The following KLHL6 variants were observed in gnomAD, a reference collection of about 807,000 sequenced individuals.
KLHL6 encodes the protein kelch like family member 6.
Under a neutral mutation model 58.6 loss-of-function variants are expected in KLHL6, and 41 were observed. That is an observed-to-expected ratio of 0.70 (90% CI 0.55 to 0.91). The LOEUF (loss-of-function observed/expected upper bound fraction) is 0.91. KLHL6 is among the 40% of genes least tolerant of loss of function. The pLI is 0.00. For missense variants in KLHL6, 714 were observed against 805.6 expected, an observed-to-expected ratio of 0.89 and a Z score of 1.38; for synonymous variants, 338 against 322.7, an observed-to-expected ratio of 1.05 and a Z score of -0.51.
chr3:183,509,632 C>T (rs1456939328), intron 2 of KLHL6, among the ~76,000 whole-genome samples: 1 of 152,164 alleles, frequency 6.6e-6, no homozygotes, highest in African/African-American at 2.4e-5. Context: ...AGATGGAAAG[C>T]CCTTACCTGA....
At chr3:183,549,425 C>A (rs1480219457) in intron 1 of KLHL6, among the ~76,000 whole-genome samples, 2 of 152,186 alleles carry the variant, frequency 1.3e-5, no homozygotes, top group African/African-American at 4.8e-5. Context: ...TCTATAATCC[C>A]TTATCTGTAG....
intron 1 of KLHL6, among the ~76,000 whole-genome samples, chr3:183,554,996 C>T (rs2108704219): frequency 6.6e-6 from 1 of 152,204 alleles, no homozygotes; most frequent in Admixed American, 6.5e-5. Context: ...GAAACCCCAT[C>T]TCTATTGAAA....
At chr3:183,552,185 C>T (rs747594596) in intron 1 of KLHL6, 18 of 152,134 alleles carry the variant, frequency 1.2e-4, no homozygotes, top group Non-Finnish European at 2.1e-4. Context: ...CTCAGCAAAC[C>T]CCCTTCAAGA....
chr3:183,508,271 C>A lies in KLHL6; in HGVS notation c.697G>T (p.Ala233Ser). 1 of 1,614,230 alleles carries A rather than the reference C, an allele frequency of 6.2e-7. No individual in the cohort carries two copies. Among genetic ancestry groups the A allele is most frequent in the East Asian group, 2.2e-5 (1 of 44,886 alleles). Residue 233 changes from alanine to serine, a missense_variant, in exon 3 of 7, where the codon GCT becomes TCT. Physicochemically the swap from Ala to Ser is moderately conservative, Grantham distance 99. This residue lies in a region of KLHL6 where 510 missense variants were observed against 629.7 expected (regional missense o/e 0.81). Transcript: ENST00000341319. ...KSDDLYVTEE[A>S]QVFETVMSWV... Reference sequence around the variant, plus strand: ...CTCATCACGGTCTCAAACACCTGAGCCTCCTCGGTCACGTAAAGGTCATCA... The same window carrying A: ...CTCATCACGGTCTCAAACACCTGAGACTCCTCGGTCACGTAAAGGTCATCA...
chr3:183,493,896 C>G, intron 5 of KLHL6, 183 bp downstream of exon 5: 1 of 638,742 alleles, frequency 1.6e-6, no homozygotes. Context: ...GTTTCTGTGA[C>G]TTGATCAGCA....
chr3:183,546,911 C>CTTTTTT (rs397991831), intron 1 of KLHL6, among the ~76,000 whole-genome samples: 1 of 132,750 alleles, frequency 7.5e-6, no homozygotes, highest in East Asian at 2.2e-4. Flanking sequence ...TGCCATAAGT[C>CTTTTTT]TTTTTTTTTT....
chr3:183,497,144 G>T (rs1717735369), intron 4 of KLHL6, among the ~76,000 whole-genome samples: 1 of 152,164 alleles, frequency 6.6e-6, no homozygotes, highest in African/African-American at 2.4e-5. Flanking sequence ...AGGCATGGTG[G>T]TGGGCACCTG....
intron 1 of KLHL6, among the ~76,000 whole-genome samples, chr3:183,549,833 G>T (rs1206493256): frequency 1.3e-5 from 2 of 152,118 alleles, no homozygotes; most frequent in African/African-American, 4.8e-5. Flanking sequence ...CTAGCACTTT[G>T]GGAGGCCGGG....
At chr3:183,529,796 AAAG>A (rs1156833417) in intron 1 of KLHL6, among the ~76,000 whole-genome samples, 168 of 151,894 alleles carry the variant, frequency 1.1e-3, no homozygotes, top group African/African-American at 3.7e-3. Context: ...AAAAAAAAAG[AAAG>A]AAAGAAAGGA....
chr3:183,529,848 G>C (rs755422351), intron 1 of KLHL6, among the ~76,000 whole-genome samples: 3 of 152,100 alleles, frequency 2.0e-5, no homozygotes, highest in Non-Finnish European at 2.9e-5. Flanking sequence ...TGGAAATAGG[G>C]GTTTTAGGAG....
chr3:183,524,517 C>T (rs553692352), intron 2 of KLHL6, among the ~76,000 whole-genome samples: 1 of 152,334 alleles, frequency 6.6e-6, no homozygotes, highest in East Asian at 1.9e-4. Context: ...AAGAAACTGT[C>T]CTGTTTCATG....
intron 1 of KLHL6, among the ~76,000 whole-genome samples, chr3:183,553,547 G>A (rs1297606035): frequency 6.6e-6 from 1 of 152,192 alleles, no homozygotes; most frequent in African/African-American, 2.4e-5. Flanking sequence ...CTCCTGAGAG[G>A]GGCTGCAGTC....
At chr3:183,496,437 A>G (rs1009034862) in intron 4 of KLHL6, among the ~76,000 whole-genome samples, 5 of 152,254 alleles carry the variant, frequency 3.3e-5, no homozygotes, top group Non-Finnish European at 7.3e-5. Context: ...TTCACAATAT[A>G]TACAAAATTC....
At chr3:183,493,112 G>A (rs1042871867) in intron 5 of KLHL6, 17 of 207,636 alleles carry the variant, frequency 8.2e-5, no homozygotes, top group Non-Finnish European at 1.7e-4. Context: ...GATTTTCCTT[G>A]GTGCTTATAT....
chr3:183,504,895 C>T (rs1328032934), intron 3 of KLHL6, among the ~76,000 whole-genome samples: 1 of 152,074 alleles, frequency 6.6e-6, no homozygotes. Context: ...ATCTTTTGTT[C>T]CCTTCTTTGT....
At chr3:183,507,765 G>A (rs1361833930) in intron 3 of KLHL6, among the ~76,000 whole-genome samples, 1 of 152,080 alleles carries the variant, frequency 6.6e-6, no homozygotes, top group Non-Finnish European at 1.5e-5. Context: ...CGTGCAGTGT[G>A]ACCCCCAACC....
intron 4 of KLHL6, among the ~76,000 whole-genome samples, chr3:183,498,881 T>C (rs971406148): frequency 2.0e-5 from 3 of 152,160 alleles, no homozygotes; most frequent in African/African-American, 4.8e-5. Flanking sequence ...TACAACCTAA[T>C]AGACATGGGA....
chr3:183,525,352 A>T (rs1366316108), intron 2 of KLHL6, among the ~76,000 whole-genome samples: 2 of 151,622 alleles, frequency 1.3e-5, no homozygotes, highest in Admixed American at 1.3e-4. Context: ...GGAATACCTT[A>T]GGGAAATGTT....
chr3:183,498,710 T>C (rs1717781334), intron 4 of KLHL6, among the ~76,000 whole-genome samples: 2 of 152,186 alleles, frequency 1.3e-5, no homozygotes, highest in Admixed American at 6.5e-5. Flanking sequence ...TTACTGAACA[T>C]TTACCCCGAG....
Sources: gnomAD v4.1 joint callset for allele counts (sites outside exome capture counted in the v4.1 genomes callset) on GRCh38, gnomAD v4.1.1 for gene constraint, gnomAD v4.1.1 regional missense constraint, MANE v1.5 for transcripts, NCBI Gene and HGNC (gene_info 2026-07-23, HGNC 2026-07-21) for gene names.